The following SLC17A5 variants were observed in gnomAD, a reference collection of about 807,000 sequenced individuals.
SLC17A5 encodes solute carrier family 17 member 5, also known as sialin.
In SLC17A5, 47 loss-of-function variants were observed where a neutral mutation model predicts 59.4. The ratio of observed to expected loss-of-function variants is 0.79; its 90% CI spans 0.63 to 1.01. The LOEUF (loss-of-function observed/expected upper bound fraction) is 1.01. Ranked by LOEUF, SLC17A5 falls within the 50% of genes least tolerant of loss-of-function variation. The pLI is 0.00. For synonymous variants in SLC17A5, 202 were observed against 210.7 expected (o/e 0.96, Z 0.36); for missense variants, 522 against 595.5 (o/e 0.88, Z 1.28).
At position 73,641,855 on chromosome 6, in the gene SLC17A5, T is replaced by C; in HGVS notation, c.361A>G (p.Ile121Val). ...ACATATCCTCCAGGAATCTGTGTGA[T>C]GATGTAGCCATAAAAAAAGGAACCG... Reference protein sequence around the residue: ...ILGSFFYGYIITQIPGGYVAS... With the variant: ...ILGSFFYGYIVTQIPGGYVAS... Residue 121 changes from isoleucine (I) to valine (V), a missense_variant, in exon 3 of 11, where the codon ATC (isoleucine) becomes GTC (valine). Transcript: ENST00000355773. 1 of 1,614,188 alleles carries C rather than the reference T, an allele frequency of 6.2e-7. No individual in the cohort carries two copies. Among genetic ancestry groups the C allele is most frequent in the South Asian group, 1.1e-5 (1 of 91,078 alleles).
At chr6:73,650,993 A>G (rs1769832179) in intron 1 of SLC17A5, among the ~76,000 whole-genome samples, 1 of 152,220 alleles carries the variant, frequency 6.6e-6, no homozygotes. Context: ...ACTAATTACC[A>G]ATTTACAGTA....
intron 2 of SLC17A5, among the ~76,000 whole-genome samples, chr6:73,643,639 G>A (rs1769403694): frequency 6.6e-6 from 1 of 151,902 alleles, no homozygotes; most frequent in Non-Finnish European, 1.5e-5. Context: ...ACCACGCCCA[G>A]CTAATTTTTG....
intron 6 of SLC17A5, among the ~76,000 whole-genome samples, chr6:73,624,219 C>CA (rs1265252230): frequency 6.6e-6 from 1 of 151,578 alleles, no homozygotes; most frequent in East Asian, 2.0e-4. Context: ...ACCTGGGCAA[C>CA]ATGGTGAAAC....
At chr6:73,624,209 A>G (rs951917718) in intron 6 of SLC17A5, among the ~76,000 whole-genome samples, 2 of 151,394 alleles carry the variant, frequency 1.3e-5, no homozygotes, top group African/African-American at 4.8e-5. Flanking sequence ...TTCGAGACCA[A>G]CCTGGGCAAC....
chr6:73,628,654 T>C (rs992954426), intron 6 of SLC17A5, among the ~76,000 whole-genome samples: 1 of 151,632 alleles, frequency 6.6e-6, no homozygotes, highest in Non-Finnish European at 1.5e-5. Flanking sequence ...GCCAACATTT[T>C]GAAAGCAAAT....
chr6:73,643,169 A>T (rs1397388234), intron 2 of SLC17A5, among the ~76,000 whole-genome samples: 1 of 149,204 alleles, frequency 6.7e-6, no homozygotes, highest in Non-Finnish European at 1.5e-5. Context: ...TTATTTTTAA[A>T]TTTTTTTTTT....
At chr6:73,598,813 C>T (rs1024403002) in intron 10 of SLC17A5, among the ~76,000 whole-genome samples, 2 of 151,132 alleles carry the variant, frequency 1.3e-5, no homozygotes, top group East Asian at 2.0e-4. Flanking sequence ...GGAGAAGCTC[C>T]GTCTCTATTA....
intron 9 of SLC17A5, 117 bp downstream of exon 9, chr6:73,610,283 C>T (rs995718186): frequency 2.0e-5 from 24 of 1,215,436 alleles, no homozygotes; most frequent in Non-Finnish European, 2.9e-5. Context: ...ATCTGCCTGC[C>T]TTGGCCTCCC....
At chr6:73,647,806 G>A (rs564064831) in intron 1 of SLC17A5, among the ~76,000 whole-genome samples, 43 of 152,330 alleles carry the variant, frequency 2.8e-4, no homozygotes, top group African/African-American at 9.6e-4. Context: ...GGTGGCTCAC[G>A]CCTGTAATCC....
At chr6:73,633,176 A>ATT (rs57624307) in intron 6 of SLC17A5, among the ~76,000 whole-genome samples, 2 of 124,946 alleles carry the variant, frequency 1.6e-5, no homozygotes, top group Non-Finnish European at 3.4e-5. Context: ...ACTTGTATTA[A>ATT]TTTTTTTTTT....
Position 73,644,516 on chromosome 6 carries a change from C to T in SLC17A5, c.182G>A (p.Ser61Asn). The T allele has an allele frequency of 6.2e-7, 1 of 1,614,030 alleles. No individual in the cohort carries two copies. Among genetic ancestry groups the T allele is most frequent in the South Asian group, 1.1e-5 (1 of 91,088 alleles). ...ATCTACCATATCCACTAACGCAACA[C>T]TCAGATTCACACGTAATGCATACAC... ...FIVYALRVNL[S>N]VALVDMVDSN... is the part of the protein sequence containing the mutation. The change falls in exon 2 of 11, where the codon AGT becomes AAT. Residue 61 changes from serine (S) to asparagine (N), a missense_variant. Physicochemically the swap from Ser to Asn is conservative, Grantham distance 46 (BLOSUM62 1). This residue lies in a region of SLC17A5 where 338 missense variants were observed against 363.8 expected (regional missense o/e 0.93). Transcript: ENST00000355773.
At chr6:73,603,420 CTTTTTTTTT>C (rs61490134) in intron 9 of SLC17A5, among the ~76,000 whole-genome samples, 6 of 133,990 alleles carry the variant, frequency 4.5e-5, no homozygotes, top group Non-Finnish European at 9.5e-5. Context: ...ATTGCTGCCT[CTTTTTTTTT>C]TTTTTTTTGA....
intron 2 of SLC17A5, among the ~76,000 whole-genome samples, chr6:73,642,126 T>C (rs1769314521): frequency 6.6e-6 from 1 of 152,204 alleles, no homozygotes; most frequent in South Asian, 2.1e-4. Context: ...GAACTGACAG[T>C]CGTAAACTTC....
intron 8 of SLC17A5, 131 bp downstream of exon 8, chr6:73,615,184 G>A: frequency 2.9e-6 from 3 of 1,019,100 alleles, no homozygotes; most frequent in East Asian, 2.5e-5. Flanking sequence ...TGATTAGAGC[G>A]AGGTGTTCTG....
intron 6 of SLC17A5, among the ~76,000 whole-genome samples, chr6:73,622,442 T>C (rs1187530109): frequency 1.3e-5 from 2 of 152,062 alleles, no homozygotes; most frequent in African/African-American, 2.4e-5. Flanking sequence ...GCTGGGATTA[T>C]AGGCATACTC....
intron 7 of SLC17A5, among the ~76,000 whole-genome samples, chr6:73,615,880 C>CTTTTTTTTTTT (rs71674685): frequency 1.0e-5 from 1 of 97,578 alleles, no homozygotes; most frequent in Non-Finnish European, 2.1e-5. Context: ...ATGAATCATT[C>CTTTTTTTTTTT]TTTTTTTTTT....
At chr6:73,650,216 G>A (rs71537131) in intron 1 of SLC17A5, among the ~76,000 whole-genome samples, 7,244 of 34,178 alleles carry the variant, frequency 0.21, 375 homozygotes, top group African/African-American at 0.37. Context: ...AAAAAAAAAA[G>A]AAAGAAAAAA....
intron 9 of SLC17A5, among the ~76,000 whole-genome samples, chr6:73,606,933 T>C (rs1471259269): frequency 6.6e-6 from 1 of 152,228 alleles, no homozygotes; most frequent in African/African-American, 2.4e-5. Flanking sequence ...TTCTTTATTC[T>C]ATTAGGCTAA....
Position 73,601,343 on chromosome 6 carries a change from C to T in SLC17A5, c.1260-902G>A, listed in dbSNP as rs1355517545. ...TCTGAGAAGTGAGGAGCCCCTCTGCCCGGCAGCCACCCCGTCTGGGAAGTG... is the reference window on the plus strand; with the variant it reads ...TCTGAGAAGTGAGGAGCCCCTCTGCTCGGCAGCCACCCCGTCTGGGAAGTG... On this transcript the variant is annotated intron_variant, in intron 9 of 10. Coordinates refer to ENST00000355773, the MANE Select transcript of SLC17A5 (RefSeq NM_012434.5). Among the ~76,000 whole-genome samples the T allele has an allele frequency of 2.0e-5, 3 of 147,544 alleles. No individual in the cohort carries two copies. In the East Asian group the frequency reaches 6.1e-4, roughly 30 times the overall value.
Sources: gnomAD v4.1 joint callset for allele counts (sites outside exome capture counted in the v4.1 genomes callset) on GRCh38, gnomAD v4.1.1 for gene constraint, gnomAD v4.1.1 regional missense constraint, MANE v1.5 for transcripts, NCBI Gene and HGNC (gene_info 2026-07-23, HGNC 2026-07-21) for gene names.